Variants in CNTNAP4 observed in about 807,000 individuals in gnomAD.
The protein encoded by CNTNAP4 is contactin associated protein family member 4.
A neutral mutation model predicts 148.4 loss-of-function variants in CNTNAP4; 98 were observed. That is an observed-to-expected ratio of 0.66 (90% confidence interval 0.56 to 0.78). CNTNAP4 has a LOEUF of 0.78. CNTNAP4 is among the 30% of genes least tolerant of loss of function. CNTNAP4 has a pLI of 0.00. For missense variants in CNTNAP4, 1,935 were observed against 1,565.6 expected (o/e 1.24, Z -3.98); for synonymous variants, 730 against 565.1 (o/e 1.29, Z -4.14).
At chr16:76,433,559 G>A (rs1288283181) in intron 4 of CNTNAP4, among the ~76,000 whole-genome samples, 1 of 151,938 alleles carries the variant, frequency 6.6e-6, no homozygotes, top group Non-Finnish European at 1.5e-5. Flanking sequence ...CATATAAAGA[G>A]GACAATTTAA....
intron 3 of CNTNAP4, among the ~76,000 whole-genome samples, chr16:76,403,549 G>T (rs1281500102): frequency 6.6e-6 from 1 of 152,144 alleles, no homozygotes; most frequent in African/African-American, 2.4e-5. Flanking sequence ...AAAAGTAACA[G>T]ATGATGATGA....
At chr16:76,390,523 G>C (rs17679298) in intron 3 of CNTNAP4, among the ~76,000 whole-genome samples, 52,852 of 150,422 alleles carry the variant, frequency 0.35, 9,747 homozygotes, top group Middle Eastern at 0.5. Flanking sequence ...CAGGGAATCT[G>C]TTCATGAACT....
chr16:76,539,636 A>T, intron 19 of CNTNAP4, 83 bp from the exon 20 acceptor site: 1 of 1,159,804 alleles, frequency 8.6e-7, no homozygotes, highest in Non-Finnish European at 1.2e-6. Context: ...ATAAATAGCA[A>T]CAAAAAATCA....
intron 3 of CNTNAP4, among the ~76,000 whole-genome samples, chr16:76,364,481 A>T (rs1244678495): frequency 6.6e-6 from 1 of 152,106 alleles, no homozygotes; most frequent in Admixed American, 6.6e-5. Context: ...CCTGAGAACA[A>T]CATTTTTAAA....
In CNTNAP4 at chr16:76,553,910, A is replaced by G. The variant is rs527289947; in HGVS notation, c.3733+3A>G. ...AAGTGACTCTGCAGTAATTGGAGGT[A>G]ATAAGAAGCATGAATGAGCTCTTCT... On this transcript the variant is annotated splice_donor_region_variant and intron_variant, in intron 23 of 23. Transcript: ENST00000611870. 1.9e-6 allele frequency: 3 copies of G among 1,567,950 alleles called. No homozygotes were observed. The highest frequency in any genetic ancestry group is 2.6e-6 in the Non-Finnish European group (3 of 1,138,842).
chr16:76,471,797 G>C (rs1211778994), intron 10 of CNTNAP4, among the ~76,000 whole-genome samples: 1 of 152,194 alleles, frequency 6.6e-6, no homozygotes, highest in African/African-American at 2.4e-5. Context: ...CTAGGGATAT[G>C]AGGAGGTTGA....
At chr16:76,394,034 G>A (rs935385428) in intron 3 of CNTNAP4, among the ~76,000 whole-genome samples, 3 of 152,182 alleles carry the variant, frequency 2.0e-5, no homozygotes, top group African/African-American at 7.2e-5. Flanking sequence ...GAACAAGCAT[G>A]CCAAAGAAAA....
chr16:76,550,636 T>C (rs1211687760), intron 21 of CNTNAP4, among the ~76,000 whole-genome samples: 5 of 151,084 alleles, frequency 3.3e-5, no homozygotes, highest in Non-Finnish European at 7.4e-5. Context: ...AGTTTTTCTT[T>C]TTAATTTTTA....
chr16:76,401,162 A>G (rs1364750028), intron 3 of CNTNAP4, among the ~76,000 whole-genome samples: 1 of 152,110 alleles, frequency 6.6e-6, no homozygotes, highest in Non-Finnish European at 1.5e-5. Context: ...GAGTCTTCCT[A>G]TCTATGAGCA....
intron 18 of CNTNAP4, among the ~76,000 whole-genome samples, chr16:76,536,264 C>T (rs545242931): frequency 9.9e-5 from 15 of 152,116 alleles, no homozygotes; most frequent in Admixed American, 5.9e-4. Flanking sequence ...GGCGCAATCT[C>T]GGCTCACTGC....
intron 1 of CNTNAP4, among the ~76,000 whole-genome samples, chr16:76,303,365 A>C (rs1283524722): frequency 6.6e-6 from 1 of 152,220 alleles, no homozygotes; most frequent in Non-Finnish European, 1.5e-5. Context: ...TCTTAAAATA[A>C]TTTAGTAATA....
chr16:76,536,388 G>A (rs1477970152), intron 18 of CNTNAP4, among the ~76,000 whole-genome samples: 1 of 151,940 alleles, frequency 6.6e-6, no homozygotes, highest in African/African-American at 2.4e-5. Flanking sequence ...TAGAGATAGT[G>A]TTTCACCATG....
At chr16:76,474,033 C>T (rs1212200062) in intron 10 of CNTNAP4, among the ~76,000 whole-genome samples, 1 of 152,048 alleles carries the variant, frequency 6.6e-6, no homozygotes, top group African/African-American at 2.4e-5. Flanking sequence ...GTTTGCTGCA[C>T]CTGTAAGCCA....
At position 76,360,779 on chromosome 16, in the gene CNTNAP4, G is replaced by A. The variant is rs78967039; in HGVS notation, c.390+5268G>A. ...TCCACATTCTCTAGCTTTTGAAAAT[G>A]ATTAACCTGCTAATGCCTGGTTAAA... On this transcript the variant is annotated intron_variant, in intron 3 of 23. Transcript: ENST00000611870. Among the ~76,000 whole-genome samples, 523 of 150,056 alleles carry A rather than the reference G, an allele frequency of 3.5e-3. 3 individuals are homozygous for A. Among genetic ancestry groups the A allele is most frequent in the African/African-American group, 0.012 (493 of 40,868 alleles).
intron 15 of CNTNAP4, among the ~76,000 whole-genome samples, chr16:76,498,978 C>T (rs909910195): frequency 2.0e-5 from 3 of 151,556 alleles, no homozygotes; most frequent in African/African-American, 7.3e-5. Flanking sequence ...GTGATGGTTA[C>T]ACAACAGTGT....
chr16:76,379,813 C>A, intron 3 of CNTNAP4, among the ~76,000 whole-genome samples: 1 of 152,174 alleles, frequency 6.6e-6, no homozygotes, highest in East Asian at 1.9e-4. Flanking sequence ...CAAATTGATT[C>A]ATGGATCCGT....
chr16:76,406,623 A>G (rs988477956), intron 3 of CNTNAP4, among the ~76,000 whole-genome samples: 1 of 152,140 alleles, frequency 6.6e-6, no homozygotes, highest in Non-Finnish European at 1.5e-5. Context: ...ACTTCAGTGA[A>G]CACATGAATG....
rs2083480401 is a variant in CNTNAP4, at chr16:76,522,161, G to C, written c.2659G>C (p.Glu887Gln). 1.2e-6 allele frequency: 2 copies of C among 1,613,946 alleles called. No homozygotes were observed. The highest frequency in any genetic ancestry group is 1.7e-6 in the Non-Finnish European group (2 of 1,179,872). ...TGTGAGGGTTGAAAGGAACATGAAG[G>C]AGGCCTCCCTTCAAGTGGATCAGCT... ...HHVRVERNMK[E>Q]ASLQVDQLTP... is the part of the protein sequence containing the mutation. The change falls in exon 17 of 24, where the codon GAG becomes CAG. Residue 887 changes from glutamate (E) to glutamine (Q), a missense_variant. Physicochemically the swap from Glu to Gln is conservative, Grantham distance 29. Transcript: ENST00000611870.
At chr16:76,383,600 C>T (rs1027800229) in intron 3 of CNTNAP4, among the ~76,000 whole-genome samples, 5 of 152,070 alleles carry the variant, frequency 3.3e-5, no homozygotes, top group African/African-American at 7.2e-5. Context: ...AACAATATTG[C>T]ATACACTTAT....
Sources: allele counts gnomAD v4.1 joint callset (sites outside exome capture counted in the v4.1 genomes callset), GRCh38; gene constraint gnomAD v4.1.1; transcripts MANE v1.5; gene names NCBI Gene and HGNC (gene_info 2026-07-23, HGNC 2026-07-21).